Variants in PTPRT observed in about 807,000 individuals in gnomAD.
PTPRT encodes receptor-type tyrosine-protein phosphatase T.
Under a neutral mutation model 176.8 loss-of-function variants are expected in PTPRT, and 56 were observed. That is an observed-to-expected ratio of 0.32 (90% confidence interval 0.26 to 0.40). PTPRT has a LOEUF of 0.40. PTPRT is among the 10% of genes least tolerant of loss of function. PTPRT has a pLI of 1.00. For synonymous variants in PTPRT, 783 were observed against 739.0 expected, an observed-to-expected ratio of 1.06 and a Z score of -0.96; for missense variants, 1,540 against 1,908.2, an observed-to-expected ratio of 0.81 and a Z score of 3.60.
intron 9 of PTPRT, among the ~76,000 whole-genome samples, chr20:42,438,235 A>G (rs193019767): frequency 2.6e-4 from 39 of 152,330 alleles, no homozygotes; most frequent in Middle Eastern, 3.4e-3. Context: ...TCTCTCTCCT[A>G]GGACAACTGT....
chr20:42,952,153 C>T (rs374452775), intron 1 of PTPRT, among the ~76,000 whole-genome samples: 3 of 152,194 alleles, frequency 2.0e-5, no homozygotes, highest in South Asian at 2.1e-4. Flanking sequence ...CTCCCAAGGA[C>T]GCAACTAGCT....
At chr20:42,850,651 G>A (rs1262112774) in intron 2 of PTPRT, among the ~76,000 whole-genome samples, 1 of 152,186 alleles carries the variant, frequency 6.6e-6, no homozygotes, top group African/African-American at 2.4e-5. Flanking sequence ...AAAGGCAGTG[G>A]CACTTACACA....
At chr20:42,205,695 C>G (rs993414320) in intron 15 of PTPRT, among the ~76,000 whole-genome samples, 2 of 152,126 alleles carry the variant, frequency 1.3e-5, no homozygotes, top group Non-Finnish European at 2.9e-5. Flanking sequence ...ACTGATCAGG[C>G]ACTCTTCCTC....
intron 1 of PTPRT, among the ~76,000 whole-genome samples, chr20:43,157,815 C>A (rs1428846587): frequency 6.6e-6 from 1 of 152,058 alleles, no homozygotes; most frequent in Non-Finnish European, 1.5e-5. Flanking sequence ...TGGGAGTGTG[C>A]CTGATGTGTT....
chr20:42,623,697 C>A (rs1381208346), intron 7 of PTPRT, among the ~76,000 whole-genome samples: 2 of 152,054 alleles, frequency 1.3e-5, no homozygotes, highest in Non-Finnish European at 2.9e-5. Flanking sequence ...TTCACTTCAT[C>A]CACGTGCTTC....
chr20:42,544,283 A>G (rs987191686), intron 7 of PTPRT, among the ~76,000 whole-genome samples: 1 of 152,192 alleles, frequency 6.6e-6, no homozygotes, highest in Non-Finnish European at 1.5e-5. Flanking sequence ...AACTTGCTAC[A>G]GCTTCTGCAT....
intron 9 of PTPRT, among the ~76,000 whole-genome samples, chr20:42,424,279 T>C (rs1025165788): frequency 1.3e-5 from 2 of 152,186 alleles, no homozygotes; most frequent in Non-Finnish European, 2.9e-5. Flanking sequence ...ACTTTCTCTG[T>C]GCAAAAAATA....
At chr20:42,182,236 G>A (rs1389758751) in intron 16 of PTPRT, among the ~76,000 whole-genome samples, 1 of 152,188 alleles carries the variant, frequency 6.6e-6, no homozygotes, top group Non-Finnish European at 1.5e-5. Flanking sequence ...GCAATGGGAA[G>A]CCAATAACGG....
chr20:42,972,699 GGAA>G (rs375085965), intron 1 of PTPRT, among the ~76,000 whole-genome samples: 45 of 102,674 alleles, frequency 4.4e-4, no homozygotes, highest in African/African-American at 1.3e-3. Flanking sequence ...AAAAAAAAAA[GGAA>G]GAAGAAGAAT....
intron 1 of PTPRT, among the ~76,000 whole-genome samples, chr20:42,923,807 C>T (rs1979313340): frequency 6.6e-6 from 1 of 152,150 alleles, no homozygotes; most frequent in Non-Finnish European, 1.5e-5. Context: ...CATCAATACC[C>T]TATCCACTTC....
chr20:42,660,990 T>A (rs1176114264), intron 7 of PTPRT, among the ~76,000 whole-genome samples: 4 of 152,116 alleles, frequency 2.6e-5, no homozygotes, highest in Non-Finnish European at 5.9e-5. Flanking sequence ...TAGCTGGGAC[T>A]ACAGACGCAT....
chr20:42,589,213 A>G (rs6016837), intron 7 of PTPRT, among the ~76,000 whole-genome samples: 2,674 of 152,276 alleles, frequency 0.018, 74 homozygotes, highest in African/African-American at 0.051. Context: ...TTGGCACTCA[A>G]CAGGGTCTTT....
intron 1 of PTPRT, among the ~76,000 whole-genome samples, chr20:43,130,711 GAA>G (rs1281805521): frequency 1.3e-5 from 2 of 151,122 alleles, no homozygotes; most frequent in African/African-American, 2.4e-5. Flanking sequence ...TCGTCATGCT[GAA>G]AAAGAGGCCA....
chr20:42,203,735 C>T (rs2055381768), intron 15 of PTPRT, among the ~76,000 whole-genome samples: 1 of 152,166 alleles, frequency 6.6e-6, no homozygotes, highest in Admixed American at 6.5e-5. Context: ...CAAAGACGGG[C>T]ATTAAACAGA....
At chr20:42,917,442 C>A (rs1021887286) in intron 1 of PTPRT, among the ~76,000 whole-genome samples, 2 of 152,090 alleles carry the variant, frequency 1.3e-5, no homozygotes, top group Admixed American at 1.3e-4. Flanking sequence ...CTTGGCGATG[C>A]GGGCTCTTTT....
intron 11 of PTPRT, among the ~76,000 whole-genome samples, chr20:42,344,247 G>A (rs1432519562): frequency 6.6e-6 from 1 of 152,180 alleles, no homozygotes; most frequent in African/African-American, 2.4e-5. Context: ...ACACAGTTTA[G>A]CTTATTCGAC....
intron 1 of PTPRT, among the ~76,000 whole-genome samples, chr20:43,087,774 C>T (rs748893454): frequency 2.6e-5 from 4 of 152,110 alleles, no homozygotes; most frequent in African/African-American, 9.7e-5. Context: ...AAAAGCAAAG[C>T]TCTAACCTAT....
At chr20:42,096,621 C>T (rs1415371620) in intron 27 of PTPRT, among the ~76,000 whole-genome samples, 1 of 152,150 alleles carries the variant, frequency 6.6e-6, no homozygotes, top group African/African-American at 2.4e-5. Flanking sequence ...TGGGTTCTTG[C>T]ACTGTCACCC....
chr20:42,600,584 A>G (rs2145788157), intron 7 of PTPRT, among the ~76,000 whole-genome samples: 1 of 152,304 alleles, frequency 6.6e-6, no homozygotes, highest in African/African-American at 2.4e-5. Flanking sequence ...TTGCGCCGAT[A>G]GGTAGTATTT....
Sources: gnomAD v4.1 joint callset for allele counts (sites outside exome capture counted in the v4.1 genomes callset) on GRCh38, gnomAD v4.1.1 for gene constraint, MANE v1.5 for transcripts, NCBI Gene and HGNC (gene_info 2026-07-23, HGNC 2026-07-21) for gene names.